The following DNAJC1 variants were observed in gnomAD, a reference collection of about 807,000 sequenced individuals.
The protein encoded by DNAJC1 is DnaJ heat shock protein family (Hsp40) member C1, also known as dnaJ homolog subfamily C member 1.
Under a neutral mutation model 76.6 loss-of-function variants are expected in DNAJC1, and 58 were observed. The observed-to-expected ratio is 0.76, with a 90% CI of 0.61 to 0.94. The LOEUF (loss-of-function observed/expected upper bound fraction) is 0.94, where lower values mean the gene tolerates loss of function less well. Among genes scored for constraint, DNAJC1 ranks in the 40% least tolerant of loss-of-function variants. The pLI, the probability that DNAJC1 is intolerant of heterozygous loss-of-function variation, is 0.00. For missense variants in DNAJC1, 689 were observed against 677.3 expected, an observed-to-expected ratio of 1.02 and a Z score of -0.19; for synonymous variants, 258 against 267.9, an observed-to-expected ratio of 0.96 and a Z score of 0.36.
intron 8 of DNAJC1, among the ~76,000 whole-genome samples, chr10:21,822,156 G>A (rs964016335): frequency 6.6e-6 from 1 of 152,078 alleles, no homozygotes; most frequent in African/African-American, 2.4e-5. Context: ...TCAATAACTG[G>A]AGACAACTGG....
At chr10:21,947,072 A>G (rs1439759947) in intron 1 of DNAJC1, among the ~76,000 whole-genome samples, 1 of 152,162 alleles carries the variant, frequency 6.6e-6, no homozygotes. Flanking sequence ...AGAAAGAAGT[A>G]TATTTTCTTT....
At chr10:21,979,942 G>A (rs1038044991) in intron 1 of DNAJC1, among the ~76,000 whole-genome samples, 1 of 151,630 alleles carries the variant, frequency 6.6e-6, no homozygotes, top group African/African-American at 2.4e-5. Context: ...GCAGTCAAAA[G>A]TCCTATGACT....
intron 1 of DNAJC1, among the ~76,000 whole-genome samples, chr10:21,935,144 TA>T (rs1183797601): frequency 6.6e-6 from 1 of 152,090 alleles, no homozygotes; most frequent in Non-Finnish European, 1.5e-5. Flanking sequence ...TAATAGAAAT[TA>T]TCCCTGAGGA....
chr10:21,981,504 C>T (rs968515643), intron 1 of DNAJC1, among the ~76,000 whole-genome samples: 2 of 152,014 alleles, frequency 1.3e-5, no homozygotes, highest in African/African-American at 4.8e-5. Flanking sequence ...TAGTAAGAAA[C>T]AATTACAAAA....
chr10:21,835,908 T>C (rs1196460597), intron 8 of DNAJC1, among the ~76,000 whole-genome samples: 1 of 152,196 alleles, frequency 6.6e-6, no homozygotes, highest in Non-Finnish European at 1.5e-5. Context: ...CTCTGCAGGA[T>C]ACTGTCCAGG....
At chr10:21,889,871 G>A (rs943561680) in intron 7 of DNAJC1, among the ~76,000 whole-genome samples, 1 of 152,188 alleles carries the variant, frequency 6.6e-6, no homozygotes, top group African/African-American at 2.4e-5. Flanking sequence ...ACAGAAAGTA[G>A]TGTTACCCCC....
chr10:21,829,456 T>C (rs972931265), intron 8 of DNAJC1, among the ~76,000 whole-genome samples: 3 of 152,216 alleles, frequency 2.0e-5, no homozygotes, highest in Non-Finnish European at 4.4e-5. Flanking sequence ...GACCTCATGA[T>C]CCGCCCACCT....
At chr10:21,767,796 G>C (rs1056657984) in intron 9 of DNAJC1, among the ~76,000 whole-genome samples, 72 of 152,182 alleles carry the variant, frequency 4.7e-4, no homozygotes, top group African/African-American at 1.7e-3. Flanking sequence ...AGGAGTTCGA[G>C]ACCAGCCTGG....
intron 10 of DNAJC1, among the ~76,000 whole-genome samples, chr10:21,764,356 G>A (rs1017181710): frequency 6.6e-6 from 1 of 152,124 alleles, no homozygotes; most frequent in Non-Finnish European, 1.5e-5. Flanking sequence ...CAATTGGTAG[G>A]TTACATGTGA....
chr10:21,948,153 C>G (rs1292310878), intron 1 of DNAJC1, among the ~76,000 whole-genome samples: 2 of 148,856 alleles, frequency 1.3e-5, no homozygotes, highest in Non-Finnish European at 3.0e-5. Context: ...TACAGTGGCA[C>G]AATCTTGGCT....
chr10:21,815,484 A>G (rs1428682471), intron 8 of DNAJC1, among the ~76,000 whole-genome samples: 1 of 152,164 alleles, frequency 6.6e-6, no homozygotes, highest in Non-Finnish European at 1.5e-5. Context: ...ACTGTCCTCT[A>G]TCTCTGACAC....
chr10:21,909,759 C>G (rs1836823403), intron 6 of DNAJC1, among the ~76,000 whole-genome samples: 1 of 152,206 alleles, frequency 6.6e-6, no homozygotes, highest in South Asian at 2.1e-4. Context: ...CTCCAGCTCT[C>G]TCCTCTTGTC....
chr10:21,870,252 C>A (rs1836081176), intron 8 of DNAJC1, among the ~76,000 whole-genome samples: 1 of 151,984 alleles, frequency 6.6e-6, no homozygotes, highest in South Asian at 2.1e-4. Flanking sequence ...TAACAATATT[C>A]ATTTGTAATA....
rs1233046658 is a variant in DNAJC1 at position 21,919,812 on chromosome 10, G to A, written c.635+20C>T. Reference sequence around the variant, plus strand: ...TTTTAAAACAGCTTCAAATTATAAAGTATTTTTATATGCTCTCACCTTTCA... The same window carrying A: ...TTTTAAAACAGCTTCAAATTATAAAATATTTTTATATGCTCTCACCTTTCA... On this transcript the variant is annotated intron_variant, in intron 5 of 11. Transcript: ENST00000376980. 3.3e-6 allele frequency: 5 copies of A among 1,535,280 alleles called. No homozygotes were observed. The highest frequency in any genetic ancestry group is 4.5e-6 in the Non-Finnish European group (5 of 1,123,174).
intron 8 of DNAJC1, among the ~76,000 whole-genome samples, chr10:21,841,861 T>G (rs1468224556): frequency 6.6e-6 from 1 of 151,870 alleles, no homozygotes; most frequent in African/African-American, 2.4e-5. Flanking sequence ...TATCCAACAA[T>G]GATAGACTGG....
intron 8 of DNAJC1, among the ~76,000 whole-genome samples, chr10:21,827,046 T>C (rs1589998341): frequency 6.6e-6 from 1 of 152,156 alleles, no homozygotes; most frequent in South Asian, 2.1e-4. Context: ...GGTAGTATTG[T>C]CATTTTAATA....
At chr10:21,891,671 G>A (rs2131731870) in intron 7 of DNAJC1, among the ~76,000 whole-genome samples, 1 of 152,162 alleles carries the variant, frequency 6.6e-6, no homozygotes, top group East Asian at 1.9e-4. Flanking sequence ...CTTTTCAAAT[G>A]CTGAAAGAAA....
chr10:21,963,356 T>C (rs542398693), intron 1 of DNAJC1, among the ~76,000 whole-genome samples: 1 of 152,210 alleles, frequency 6.6e-6, no homozygotes. Flanking sequence ...AGAACAGTTT[T>C]ACATGCAAGG....
chr10:21,775,911 T>C (rs560649876), intron 9 of DNAJC1, among the ~76,000 whole-genome samples: 7 of 152,150 alleles, frequency 4.6e-5, no homozygotes, highest in Non-Finnish European at 8.8e-5. Flanking sequence ...TATTAATAAA[T>C]AGTCACATGG....
Sources: gnomAD v4.1 joint callset for allele counts (sites outside exome capture counted in the v4.1 genomes callset) on GRCh38, gnomAD v4.1.1 for gene constraint, MANE v1.5 for transcripts, NCBI Gene and HGNC (gene_info 2026-07-23, HGNC 2026-07-21) for gene names.